Variants in TRIO observed in about 807,000 individuals in gnomAD.
The protein encoded by TRIO is trio Rho guanine nucleotide exchange factor, also known as triple functional domain protein.
A neutral mutation model predicts 351.9 loss-of-function variants in TRIO; 58 were observed. The ratio of observed to expected loss-of-function variants is 0.16; its 90% CI spans 0.13 to 0.21. The LOEUF (loss-of-function observed/expected upper bound fraction) is 0.21. Ranked by LOEUF, TRIO falls within the 10% of genes least tolerant of loss-of-function variation. TRIO has a pLI of 1.00. For missense variants in TRIO, 3,201 were observed against 4,027.8 expected, an observed-to-expected ratio of 0.79 and a Z score of 5.56; for synonymous variants, 1,758 against 1,595.7, an observed-to-expected ratio of 1.10 and a Z score of -2.42.
At position 14,403,377 on chromosome 5, in the gene TRIO, T is replaced by A. The variant is rs1579551961; in HGVS notation, c.4716+2313T>A. 4.9e-5 allele frequency among the ~76,000 whole-genome samples: 4 copies of A among 81,690 alleles called. No homozygotes were observed. In the South Asian group the frequency reaches 1.8e-3, roughly 36 times the overall value. The allele number at this position is 81,690 out of a possible 152,430, so 53.6% of individuals were successfully genotyped here. ...GTGAGGGTGCAGGTTGTGGTGAGGG[T>A]GTAGGTTGTGAGGGTGTAGGTTGTG... is the stretch of plus-strand genomic sequence containing the variant. On this transcript the variant is annotated intron_variant, in intron 31 of 56. Transcript: ENST00000344204.
At chr5:14,296,914 C>T (rs1737409333) in intron 6 of TRIO, among the ~76,000 whole-genome samples, 158 bp from the exon 7 acceptor site, 1 of 152,104 alleles carries the variant, frequency 6.6e-6, no homozygotes, top group South Asian at 2.1e-4. Flanking sequence ...ATCTAGAGAG[C>T]AAATATGTAT....
At chr5:14,360,245 G>A (rs1744026490) in intron 13 of TRIO, among the ~76,000 whole-genome samples, 2 of 152,210 alleles carry the variant, frequency 1.3e-5, no homozygotes, top group Admixed American at 1.3e-4. Flanking sequence ...AGAATTTACA[G>A]GTGTCTTTTA....
At chr5:14,250,003 A>G (rs1223524091) in intron 1 of TRIO, among the ~76,000 whole-genome samples, 1 of 152,260 alleles carries the variant, frequency 6.6e-6, no homozygotes, top group Non-Finnish European at 1.5e-5. Flanking sequence ...GCACAGGGAA[A>G]TGACAAATAA....
chr5:14,326,738 C>T (rs910833099), intron 9 of TRIO, among the ~76,000 whole-genome samples: 6 of 152,176 alleles, frequency 3.9e-5, no homozygotes, highest in African/African-American at 1.4e-4. Context: ...AGATAAAGGC[C>T]TGTAATTTGC....
intron 34 of TRIO, among the ~76,000 whole-genome samples, chr5:14,427,221 A>G (rs1311656095): frequency 6.6e-6 from 1 of 151,892 alleles, no homozygotes; most frequent in South Asian, 2.1e-4. Flanking sequence ...TCATCTAAAC[A>G]TCTCGCCTGG....
At chr5:14,455,373 C>T (rs1423432683) in intron 34 of TRIO, among the ~76,000 whole-genome samples, 2 of 152,092 alleles carry the variant, frequency 1.3e-5, no homozygotes, top group Non-Finnish European at 2.9e-5. Context: ...TATTTACAAT[C>T]CTCTAGCTAG....
At position 14,281,432 on chromosome 5, in the gene TRIO, C is replaced by CG. The variant is rs1244196622; in HGVS notation, c.347+996_347+997insG. ...GGTGCTAAGCCGTTAGAACCCCCCC[C>CG]CCCCGCCCCGTGATCCAATTACCAC... is the stretch of plus-strand genomic sequence containing the variant. On this transcript the variant is annotated intron_variant, in intron 3 of 56. Coordinates refer to ENST00000344204, the MANE Select transcript of TRIO (RefSeq NM_007118.4). Among the ~76,000 whole-genome samples, 2 of 126,720 alleles carry CG rather than the reference C, an allele frequency of 1.6e-5. 1 individual carries two copies. Among genetic ancestry groups the CG allele is most frequent in the African/African-American group, 6.0e-5 (2 of 33,540 alleles). The allele number at this position is 126,720 out of a possible 152,430, so 83.1% of individuals were successfully genotyped here. A position where few individuals can be genotyped will look rare whatever the true frequency, so the allele number is the denominator to read the frequency against.
chr5:14,440,170 GA>G (rs1190541195), intron 34 of TRIO, among the ~76,000 whole-genome samples: 1 of 152,128 alleles, frequency 6.6e-6, no homozygotes, highest in Non-Finnish European at 1.5e-5. Flanking sequence ...TTAATATAAA[GA>G]ATTCAAGATA....
chr5:14,202,421 T>C (rs1581341088), intron 1 of TRIO, among the ~76,000 whole-genome samples: 1 of 147,646 alleles, frequency 6.8e-6, no homozygotes, highest in Non-Finnish European at 1.5e-5. Context: ...AGCCAAAAGA[T>C]TGGACACTCC....
intron 1 of TRIO, among the ~76,000 whole-genome samples, chr5:14,166,048 CG>C (rs1299177673): frequency 6.6e-6 from 1 of 152,204 alleles, no homozygotes; most frequent in Non-Finnish European, 1.5e-5. Context: ...TTAAGAGTGA[CG>C]GTGTCACTCA....
chr5:14,318,773 G>A (rs1052952076), intron 9 of TRIO, among the ~76,000 whole-genome samples: 9 of 152,216 alleles, frequency 5.9e-5, no homozygotes, highest in African/African-American at 1.9e-4. Context: ...ACCATGAAAT[G>A]TTGGAGTTTA....
chr5:14,407,971 C>T (rs923513172), intron 33 of TRIO, among the ~76,000 whole-genome samples: 1 of 152,200 alleles, frequency 6.6e-6, no homozygotes, highest in African/African-American at 2.4e-5. Context: ...CCCAGAATTG[C>T]TGAGCTTCTC....
At chr5:14,347,761 G>A (rs1166400665) in intron 11 of TRIO, among the ~76,000 whole-genome samples, 1 of 152,206 alleles carries the variant, frequency 6.6e-6, no homozygotes, top group African/African-American at 2.4e-5. Context: ...GCAGGTGTCT[G>A]TTCTCATGCA....
chr5:14,247,995 G>A (rs1243113424), intron 1 of TRIO, among the ~76,000 whole-genome samples: 1 of 151,854 alleles, frequency 6.6e-6, no homozygotes, highest in Non-Finnish European at 1.5e-5. Context: ...GAACCTGGGA[G>A]GTGGAGGTTG....
chr5:14,210,760 A>G (rs138729077), intron 1 of TRIO, among the ~76,000 whole-genome samples: 10 of 152,272 alleles, frequency 6.6e-5, no homozygotes, highest in African/African-American at 2.4e-4. Flanking sequence ...AGCTTACTCT[A>G]TTCAGCCTTA....
intron 1 of TRIO, among the ~76,000 whole-genome samples, chr5:14,163,938 C>A (rs574486311): frequency 6.6e-6 from 1 of 152,268 alleles, no homozygotes; most frequent in African/African-American, 2.4e-5. Flanking sequence ...GTAAGTTTTC[C>A]GATCTCCAGA....
rs756132139 is a variant in TRIO at position 14,292,969 on chromosome 5, C to T, written c.1054-43C>T. The T allele has an allele frequency of 3.7e-6, 6 of 1,612,502 alleles. No homozygotes were observed. In the Admixed American group the frequency reaches 1.0e-4, roughly 27 times the overall value. ...ATCTGTGGGCTTGTGTCAGTAATTTCTCTTTCTGGAGTGATTGCGGGTTGT... is the reference window on the plus strand; with the variant it reads ...ATCTGTGGGCTTGTGTCAGTAATTTTTCTTTCTGGAGTGATTGCGGGTTGT... On this transcript the variant is annotated intron_variant, in intron 5 of 56. Transcript: ENST00000344204.
intron 1 of TRIO, among the ~76,000 whole-genome samples, chr5:14,202,009 C>A (rs560931005): frequency 1.3e-5 from 2 of 151,376 alleles, no homozygotes; most frequent in African/African-American, 4.9e-5. Context: ...AGGAGATATA[C>A]CTAATGTAAA....
At chr5:14,348,515 G>A (rs1036169861) in intron 11 of TRIO, among the ~76,000 whole-genome samples, 1 of 152,276 alleles carries the variant, frequency 6.6e-6, no homozygotes, top group Non-Finnish European at 1.5e-5. Context: ...ACATGCACGT[G>A]AGGATGTGTT....
Sources: gnomAD v4.1 joint callset for allele counts (sites outside exome capture counted in the v4.1 genomes callset) on GRCh38, gnomAD v4.1.1 for gene constraint, MANE v1.5 for transcripts, NCBI Gene and HGNC (gene_info 2026-07-23, HGNC 2026-07-21) for gene names.